PIF1: variants seen among roughly 807,000 people sequenced by gnomAD.
The protein encoded by PIF1 is PIF1 5'-to-3' DNA helicase.
A neutral mutation model predicts 62.3 loss-of-function variants in PIF1; 67 were observed. The ratio of observed to expected loss-of-function variants is 1.08; its 90% CI spans 0.88 to 1.32. PIF1 has a LOEUF of 1.32. Among genes scored for constraint, PIF1 ranks in the 40% most tolerant of loss-of-function variants. The pLI is 0.00. For missense variants in PIF1, 886 were observed against 866.1 expected (o/e 1.02, Z -0.29); for synonymous variants, 364 against 379.5 (o/e 0.96, Z 0.47).
At position 64,823,773 on chromosome 15, in the gene PIF1, C is replaced by G. The variant is rs1167653336; in HGVS notation, c.558+5G>C. The G allele has an allele frequency of 1.5e-6, 2 of 1,318,820 alleles. No homozygotes were observed. The highest frequency in any genetic ancestry group is 2.0e-6 in the Non-Finnish European group (2 of 1,024,326). 81.7% of individuals were successfully genotyped at this position (1,318,820 alleles called of 1,614,324 possible). A position where few individuals can be genotyped will look rare whatever the true frequency, so the allele number is the denominator to read the frequency against. ...CTAAAGGTGTCCCTTCTTTCCCGTCCTCACTGTGCTAGGCTCGGCCCCAGC... is the reference window on the plus strand; with the variant it reads ...CTAAAGGTGTCCCTTCTTTCCCGTCGTCACTGTGCTAGGCTCGGCCCCAGC... On this transcript the variant is annotated splice_donor_5th_base_variant and intron_variant, in intron 2 of 12. Coordinates refer to ENST00000559239, the MANE Select transcript of PIF1 (RefSeq NM_001286496.2).
rs72744802 is a variant in PIF1 at position 64,825,599 on chromosome 15, C to G, written c.-50G>C. On this transcript the variant is annotated 5_prime_UTR_variant, in exon 1 of 13. Coordinates refer to ENST00000559239, the MANE Select transcript of PIF1 (RefSeq NM_001286496.2). ...GGTTCGGGCAGACACTCACTTGTGC[C>G]GACACTCAGATGAACAAGCAGATCG... The G allele has an allele frequency of 0.019, 2,955 of 152,206 alleles. 64 individuals carry two copies. The highest frequency in any genetic ancestry group is 0.031 in the South Asian group (150 of 4,818). The allele number at this position is 152,206 out of a possible 1,614,324, so 9.4% of individuals were successfully genotyped here.
Position 64,817,984 on chromosome 15 carries a change from G to A in PIF1, c.1636C>T (p.Leu546Phe). 6.2e-7 allele frequency: 1 copy of A among 1,613,288 alleles called. No individual in the cohort carries two copies. The highest frequency in any genetic ancestry group is 8.5e-7 in the Non-Finnish European group (1 of 1,179,760). The change falls in exon 11 of 13, where the codon CTC becomes TTC. Residue 546 changes from leucine (L) to phenylalanine (F), a missense_variant. Physicochemically the swap from Leu to Phe is conservative, Grantham distance 22 (BLOSUM62 0). Coordinates refer to ENST00000559239, the MANE Select transcript of PIF1 (RefSeq NM_001286496.2). ...ATGGACATCGCCCAGGCCAGCTGGA[G>A]GGGCAGCTGCTGCCGACTGAGGAGC... is the stretch of plus-strand genomic sequence containing the variant. ...GQLLSRQQLP[L>F]QLAWAMSIHK...
intron 9 of PIF1, 35 bp from the exon 10 acceptor site, chr15:64,818,379 C>G (rs369779080): frequency 1.4e-5 from 23 of 1,598,642 alleles, no homozygotes; most frequent in South Asian, 2.2e-5. Flanking sequence ...CAGCAGCCCC[C>G]CTACCCATGC....
At chr15:64,821,818 C>A (rs924973250) in intron 4 of PIF1, 19 of 336,770 alleles carry the variant, frequency 5.6e-5, no homozygotes, top group Non-Finnish European at 9.8e-5. Context: ...CGGCTCACTG[C>A]AAGCTCTGCC....
At chr15:64,823,669 G>C in intron 2 of PIF1, 109 bp downstream of exon 2, 1 of 738,710 alleles carries the variant, frequency 1.4e-6, no homozygotes, top group African/African-American at 1.8e-5. Context: ...TGTCAGATGG[G>C]TATCAAATAC....
intron 12 of PIF1, 48 bp downstream of exon 12, chr15:64,816,526 C>T (rs1374195363): frequency 6.2e-7 from 1 of 1,605,708 alleles, no homozygotes; most frequent in Non-Finnish European, 8.5e-7. Flanking sequence ...TGTCCTAGCT[C>T]CCACCCTGCC....
chr15:64,827,052 G>A (rs1294559224), upstream of PIF1, among the ~76,000 whole-genome samples: 1 of 152,156 alleles, frequency 6.6e-6, no homozygotes, highest in Non-Finnish European at 1.5e-5. Flanking sequence ...GCGGTAGAGG[G>A]TGATGACTGA....
In PIF1 at chr15:64,816,658, C is replaced by T. The variant is rs1479940331; in HGVS notation, c.1782G>A (p.Leu594=). ...RARSLQGLRV[L]DFDPMAVRCD... is the part of the protein sequence containing the mutation. ...AGCGAACCGCCATGGGGTCAAAGTC[C>T]AGCACACGTAGGCCCTGCAGGCTGC... Residue 594 remains leucine, a synonymous_variant, in exon 12 of 13, where the codon CTG becomes CTA. Transcript: ENST00000559239. The T allele has an allele frequency of 9.9e-6, 16 of 1,613,966 alleles. No homozygotes were observed. Among genetic ancestry groups the T allele is most frequent in the African/African-American group, 6.7e-5 (5 of 74,934 alleles).
chr15:64,826,669 C>CATATATACATATACATAT (rs111251424), upstream of PIF1, among the ~76,000 whole-genome samples: 1 of 75,826 alleles, frequency 1.3e-5, no homozygotes, highest in Admixed American at 1.3e-4. Flanking sequence ...TATATATACA[C>CATATATACATATACATAT]ACACACACAC....
intron 7 of PIF1, 138 bp from the exon 8 acceptor site, chr15:64,820,124 C>T (rs1013917846): frequency 3.6e-6 from 4 of 1,116,372 alleles, no homozygotes; most frequent in Non-Finnish European, 5.1e-6. Flanking sequence ...GTTGCTGCCC[C>T]CTCAAGCTGG....
intron 3 of PIF1, 36 bp from the exon 4 acceptor site, chr15:64,822,427 C>T: frequency 6.2e-7 from 1 of 1,614,172 alleles, no homozygotes; most frequent in East Asian, 2.2e-5. Context: ...TCTCCCTGTT[C>T]CTCTATCCCA....
At chr15:64,826,361 G>A (rs2084367129), upstream of PIF1, among the ~76,000 whole-genome samples, 1 of 151,772 alleles carries the variant, frequency 6.6e-6, no homozygotes, top group Non-Finnish European at 1.5e-5. Context: ...AGCTGGAAAG[G>A]ATCTTACAGG....
rs2084238879 is a variant in PIF1, at chr15:64,818,987, AG to A, written c.1440+129del. 3 of 545,988 alleles carry A rather than the reference AG, an allele frequency of 5.5e-6. No individual in the cohort carries two copies. In the East Asian group the frequency reaches 1.0e-4, roughly 19 times the overall value. The allele number at this position is 545,988 out of a possible 1,614,324, so 33.8% of individuals were successfully genotyped here. On this transcript the variant is annotated intron_variant, in intron 9 of 12. Coordinates refer to ENST00000559239, the MANE Select transcript of PIF1 (RefSeq NM_001286496.2). Reference sequence around the variant, plus strand: ...GGGAAGGTGGGTGGGAACAGGAGGCAGGGAGGTTTTCAGTGTGGTCAAAGCT... The same window carrying A: ...GGGAAGGTGGGTGGGAACAGGAGGCAGGAGGTTTTCAGTGTGGTCAAAGCT...
chr15:64,823,786 G>A lies in PIF1; in HGVS notation c.550C>T (p.Pro184Ser). Residue 184 changes from proline to serine, a missense_variant, in exon 2 of 13, where the codon CCT (proline) becomes TCT (serine). Pro to Ser is a moderately conservative substitution (Grantham distance 74). Coordinates refer to ENST00000559239, the MANE Select transcript of PIF1 (RefSeq NM_001286496.2). The part of the protein sequence containing the change: ...RPVEPQAGAE[P>S]STEAPRWPLP... ...TTCTTTCCCGTCCTCACTGTGCTAG[G>A]CTCGGCCCCAGCCTGGGGCTCCACA... The A allele has an allele frequency of 7.5e-7, 1 of 1,335,230 alleles. No homozygotes were observed. Among genetic ancestry groups the A allele is most frequent in the Non-Finnish European group, 9.7e-7 (1 of 1,032,968 alleles). The allele number at this position is 1,335,230 out of a possible 1,614,324, so 82.7% of individuals were successfully genotyped here.
chr15:64,824,722 T>G (rs926810843), intron 1 of PIF1, among the ~76,000 whole-genome samples: 1 of 151,146 alleles, frequency 6.6e-6, no homozygotes, highest in Non-Finnish European at 1.5e-5. Flanking sequence ...TGGCGGGCGC[T>G]TGTAATTCCA....
chr15:64,818,009 C>T lies in PIF1; in HGVS notation c.1611G>A (p.Gln537=), dbSNP rs536256605. The T allele has an allele frequency of 2.0e-5, 32 of 1,613,538 alleles. 1 individual carries two copies. The South Asian group carries it at 3.3e-4, about 17-fold the overall frequency. ...GGGGCAGCTGCTGCCGACTGAGGAG[C>T]TGGCCCCCGGTGGCCTGCACCGTCC... ...DRWTVQATGG[Q]LLSRQQLPLQ... Residue 537 remains glutamine (Q), a synonymous_variant, in exon 11 of 13, where the codon CAG becomes CAA. Transcript: ENST00000559239.
In PIF1 at chr15:64,823,020, G is replaced by A. The variant is rs557019643; in HGVS notation, c.559-410C>T. Among the ~76,000 whole-genome samples the A allele has an allele frequency of 2.7e-3, 410 of 151,768 alleles. 1 individual carries two copies. The highest frequency in any genetic ancestry group is 9.6e-3 in the African/African-American group (396 of 41,368). Reference sequence around the variant, plus strand: ...CTTCTTATCCTGTCTCTGTCCTCTCGCCAGCTTAGTGTCAAACCCTGGTGG... The same window carrying A: ...CTTCTTATCCTGTCTCTGTCCTCTCACCAGCTTAGTGTCAAACCCTGGTGG... On this transcript the variant is annotated intron_variant, in intron 2 of 12. Coordinates refer to ENST00000559239, the MANE Select transcript of PIF1 (RefSeq NM_001286496.2).
rs757267243 is a variant in PIF1 at position 64,816,312 on chromosome 15, C to A, written c.1912G>T (p.Asp638Tyr). The A allele has an allele frequency of 6.2e-7, 1 of 1,613,930 alleles. No individual in the cohort carries two copies. The highest frequency in any genetic ancestry group is 8.5e-7 in the Non-Finnish European group (1 of 1,179,990). ...DEAASDQENM[D>Y]PIL ...GTGGGTGAGGCTCAGAGGATTGGGTCCATGTTCTCCTGGTCTGAGGCTGCC... is the reference window on the plus strand; with the variant it reads ...GTGGGTGAGGCTCAGAGGATTGGGTACATGTTCTCCTGGTCTGAGGCTGCC... The change falls in exon 13 of 13, where the codon GAC (aspartate) becomes TAC (tyrosine). Residue 638 changes from aspartate to tyrosine, a missense_variant. Transcript: ENST00000559239.
In PIF1 at chr15:64,822,617, G is replaced by C; in HGVS notation, c.559-7C>G. On this transcript the variant is annotated splice_polypyrimidine_tract_variant and splice_region_variant and intron_variant, in intron 2 of 12. Coordinates refer to ENST00000559239, the MANE Select transcript of PIF1 (RefSeq NM_001286496.2). Reference sequence around the variant, plus strand: ...GGGGCCACCTTGGGGCTTCCTGGGGGGAACAGAGCTATCTCAGAGCATCCT... The same window carrying C: ...GGGGCCACCTTGGGGCTTCCTGGGGCGAACAGAGCTATCTCAGAGCATCCT... 6.2e-7 allele frequency: 1 copy of C among 1,613,446 alleles called. No individual in the cohort carries two copies.
Sources: gnomAD v4.1 joint callset for allele counts (sites outside exome capture counted in the v4.1 genomes callset) on GRCh38, gnomAD v4.1.1 for gene constraint, MANE v1.5 for transcripts, NCBI Gene and HGNC (gene_info 2026-07-23, HGNC 2026-07-21) for gene names.